SLC30A9: variants seen among roughly 807,000 people sequenced by gnomAD.
The protein encoded by SLC30A9 is solute carrier family 30 member 9.
SLC30A9 carries 58 observed loss-of-function variants against 87.5 expected under a neutral mutation model. That is an observed-to-expected ratio of 0.66 (90% CI 0.54 to 0.82). The LOEUF (loss-of-function observed/expected upper bound fraction) is 0.82. Ranked by LOEUF, SLC30A9 falls within the 40% of genes least tolerant of loss-of-function variation. The pLI, the probability that SLC30A9 is intolerant of heterozygous loss-of-function variation, is 0.00. For missense variants in SLC30A9, 557 were observed against 679.1 expected, an observed-to-expected ratio of 0.82 and a Z score of 2.00; for synonymous variants, 234 against 233.0, an observed-to-expected ratio of 1.00 and a Z score of -0.04.
intron 1 of SLC30A9, among the ~76,000 whole-genome samples, chr4:42,000,574 C>T (rs745880755): frequency 3.9e-5 from 6 of 151,988 alleles, no homozygotes; most frequent in Non-Finnish European, 5.9e-5. Context: ...AGTTCTAGGC[C>T]GGAAACTTGA....
chr4:42,017,639 G>T (rs961153394), intron 2 of SLC30A9, among the ~76,000 whole-genome samples: 1 of 152,006 alleles, frequency 6.6e-6, no homozygotes, highest in Non-Finnish European at 1.5e-5. Context: ...TAGGTGTAGG[G>T]TTGTACAGTT....
chr4:42,058,880 A>G (rs1255929599), intron 9 of SLC30A9, among the ~76,000 whole-genome samples: 1 of 152,208 alleles, frequency 6.6e-6, no homozygotes, highest in Non-Finnish European at 1.5e-5. Flanking sequence ...CAGTCAAACC[A>G]TATCAGGGTG....
In SLC30A9 at chr4:42,066,782, G is replaced by A. The variant is rs778358951; in HGVS notation, c.1144+161G>A. Among the ~76,000 whole-genome samples, 4 of 152,212 alleles carry A rather than the reference G, an allele frequency of 2.6e-5. No individual in the cohort carries two copies. The East Asian group carries it at 5.8e-4, about 22-fold the overall frequency. ...CCTTCAGCCCTTATTAAAAAGAAAT[G>A]TAGTATAGAAATTTGAACATGGATA... On this transcript the variant is annotated intron_variant, in intron 13 of 17. Transcript: ENST00000264451.
chr4:42,021,983 C>T lies in SLC30A9; in HGVS notation c.435-855C>T, dbSNP rs1246088920. ...TCGCTCTGTTGCCCAGGCCGGACTG[C>T]GGACTGCAGTGGCACAATCTCGGCT... On this transcript the variant is annotated intron_variant, in intron 4 of 17. Transcript: ENST00000264451. Among the ~76,000 whole-genome samples, 2 of 28,026 alleles carry T rather than the reference C, an allele frequency of 7.1e-5. 1 individual carries two copies. The highest frequency in any genetic ancestry group is 1.0e-4 in the African/African-American group (2 of 19,494). 18.4% of individuals were successfully genotyped at this position (28,026 alleles called of 152,430 possible).
chr4:41,990,986 G>T (rs116493269), intron 1 of SLC30A9, among the ~76,000 whole-genome samples: 6 of 152,246 alleles, frequency 3.9e-5, no homozygotes, highest in Admixed American at 3.9e-4. Flanking sequence ...GCGGGAACTT[G>T]TGGGCACCTC....
At chr4:42,045,291 T>C (rs1684635002) in intron 8 of SLC30A9, among the ~76,000 whole-genome samples, 1 of 151,496 alleles carries the variant, frequency 6.6e-6, no homozygotes, top group Admixed American at 6.6e-5. Flanking sequence ...TTTTAAAAGA[T>C]TCACAAAATA....
At position 42,001,697 on chromosome 4, in the gene SLC30A9, T is replaced by G. The variant is rs1161658642; in HGVS notation, c.191T>G (p.Val64Gly). ...CCATATATTGGTACCCTGAGTCAAGTAAAGTTGTACTCCACAAATGTTCAG... is the reference window on the plus strand; with the variant it reads ...CCATATATTGGTACCCTGAGTCAAGGAAAGTTGTACTCCACAAATGTTCAG... Reference protein sequence around the residue: ...SHPYIGTLSQVKLYSTNVQKE... With the variant: ...SHPYIGTLSQGKLYSTNVQKE... Residue 64 changes from valine (V) to glycine (G), a missense_variant, in exon 2 of 18, where the codon GTA becomes GGA. Val to Gly is a moderately radical substitution (Grantham distance 109). Coordinates refer to ENST00000264451, the MANE Select transcript of SLC30A9 (RefSeq NM_006345.4). 1 of 1,610,166 alleles carries G rather than the reference T, an allele frequency of 6.2e-7. No individual in the cohort carries two copies. The highest frequency in any genetic ancestry group is 1.7e-5 in the Admixed American group (1 of 59,854).
intron 2 of SLC30A9, among the ~76,000 whole-genome samples, chr4:42,012,195 G>A (rs1166189465): frequency 3.9e-5 from 6 of 152,048 alleles, no homozygotes; most frequent in South Asian, 2.1e-4. Context: ...ACCAAAACAC[G>A]AAACAACCCA....
intron 2 of SLC30A9, among the ~76,000 whole-genome samples, chr4:42,004,893 A>G (rs1460538611): frequency 3.9e-5 from 6 of 152,028 alleles, no homozygotes; most frequent in African/African-American, 9.6e-5. Context: ...GGCTCAAGCA[A>G]TCCTCCTGCC....
At chr4:42,037,239 CTTTTTTTTTTTT>C (rs536795831) in intron 7 of SLC30A9, among the ~76,000 whole-genome samples, 4 of 91,194 alleles carry the variant, frequency 4.4e-5, no homozygotes, top group Admixed American at 3.3e-4. Context: ...TAAATGCCTT[CTTTTTTTTTTTT>C]TTTTTTTTTT....
chr4:41,997,015 C>T (rs901485170), intron 1 of SLC30A9, among the ~76,000 whole-genome samples: 9 of 148,610 alleles, frequency 6.1e-5, no homozygotes, highest in South Asian at 2.1e-4. Flanking sequence ...GCCTGGATGA[C>T]GGAGTGGGAC....
rs183547700 is a variant in SLC30A9, at chr4:42,068,537, G to A, written c.1252+1345G>A. 5.7e-3 allele frequency among the ~76,000 whole-genome samples: 874 copies of A among 152,272 alleles called. 3 individuals carry two copies. The highest frequency in any genetic ancestry group is 0.02 in the African/African-American group (836 of 41,558). ...TGGGATTACAGGCATGAGCCACCAC[G>A]CCCGGCCGGAACTTAACTCTTGTTT... On this transcript the variant is annotated intron_variant, in intron 14 of 17. Coordinates refer to ENST00000264451, the MANE Select transcript of SLC30A9 (RefSeq NM_006345.4).
chr4:42,013,808 G>T (rs1270877248), intron 2 of SLC30A9, among the ~76,000 whole-genome samples: 1 of 152,074 alleles, frequency 6.6e-6, no homozygotes. Context: ...AAAACATTGG[G>T]GAAACTCTCC....
intron 6 of SLC30A9, among the ~76,000 whole-genome samples, chr4:42,034,523 T>TG (rs371693288): frequency 1.5e-3 from 229 of 152,240 alleles, no homozygotes; most frequent in African/African-American, 5.2e-3. Context: ...AGTCATACAG[T>TG]GTATGTCCTT....
intron 8 of SLC30A9, among the ~76,000 whole-genome samples, chr4:42,048,541 CAT>C (rs1278518302): frequency 1.3e-5 from 2 of 152,044 alleles, no homozygotes; most frequent in Non-Finnish European, 2.9e-5. Context: ...TGAGATAAAT[CAT>C]ATTAGTCATT....
intron 6 of SLC30A9, among the ~76,000 whole-genome samples, chr4:42,032,326 A>G (rs1413831096): frequency 6.6e-6 from 1 of 152,024 alleles, no homozygotes; most frequent in Non-Finnish European, 1.5e-5. Flanking sequence ...TGCCAACCCT[A>G]TTTCAATGGT....
At chr4:42,014,977 A>G (rs116150258) in intron 2 of SLC30A9, among the ~76,000 whole-genome samples, 3,594 of 152,202 alleles carry the variant, frequency 0.024, 149 homozygotes, top group African/African-American at 0.082. Context: ...AATGAATAAG[A>G]GCTAGTATTT....
chr4:41,993,500 G>A (rs1304523204), intron 1 of SLC30A9, among the ~76,000 whole-genome samples: 2 of 152,086 alleles, frequency 1.3e-5, no homozygotes, highest in Admixed American at 6.6e-5. Context: ...TGTTCAAGTG[G>A]CCAATAAAAA....
intron 2 of SLC30A9, among the ~76,000 whole-genome samples, chr4:42,017,280 G>T (rs905077015): frequency 3.3e-5 from 5 of 150,866 alleles, no homozygotes; most frequent in Non-Finnish European, 5.9e-5. Context: ...TCATTTTTTT[G>T]ATCTAGAGGA....
Sources: gnomAD v4.1 joint callset for allele counts (sites outside exome capture counted in the v4.1 genomes callset) on GRCh38, gnomAD v4.1.1 for gene constraint, MANE v1.5 for transcripts, NCBI Gene and HGNC (gene_info 2026-07-23, HGNC 2026-07-21) for gene names.